The following FNIP2 variants were observed in gnomAD, a reference collection of about 807,000 sequenced individuals.
The protein encoded by FNIP2 is folliculin interacting protein 2, also known as folliculin-interacting protein 2.
Under a neutral mutation model 108.7 loss-of-function variants are expected in FNIP2, and 32 were observed. The ratio of observed to expected loss-of-function variants is 0.29; its 90% confidence interval spans 0.22 to 0.40. The LOEUF (loss-of-function observed/expected upper bound fraction) is 0.40, where lower values mean the gene tolerates loss of function less well. Ranked by LOEUF, FNIP2 falls within the 10% of genes least tolerant of loss-of-function variation. The pLI is 1.00. For synonymous variants in FNIP2, 480 were observed against 496.7 expected (o/e 0.97, Z 0.45); for missense variants, 1,202 against 1,381.6 (o/e 0.87, Z 2.06).
At chr4:158,803,405 A>T (rs1776827297) in intron 1 of FNIP2, among the ~76,000 whole-genome samples, 1 of 152,070 alleles carries the variant, frequency 6.6e-6, no homozygotes, top group Admixed American at 6.6e-5. Context: ...AAAAAGGGAG[A>T]TTGGATTGAG....
At chr4:158,866,192 T>TTTTGATTTGTTCCAATA (rs1160399689) in intron 12 of FNIP2, among the ~76,000 whole-genome samples, 2 of 146,984 alleles carry the variant, frequency 1.4e-5, no homozygotes, top group Non-Finnish European at 1.5e-5. Context: ...TCTTTTCAGC[T>TTTTGATTTGTTCCAATA]TTTGATTTGT....
intron 1 of FNIP2, among the ~76,000 whole-genome samples, chr4:158,771,923 G>C (rs1258206957): frequency 1.3e-5 from 2 of 152,066 alleles, no homozygotes; most frequent in Non-Finnish European, 2.9e-5. Flanking sequence ...CATTCCTCCA[G>C]TTTTTACACA....
chr4:158,843,302 T>G (rs1466163380), intron 7 of FNIP2, among the ~76,000 whole-genome samples: 1 of 152,208 alleles, frequency 6.6e-6, no homozygotes, highest in Non-Finnish European at 1.5e-5. Flanking sequence ...AATTCAGTAT[T>G]TGAATTCTGT....
At chr4:158,794,937 C>T (rs780352318) in intron 1 of FNIP2, among the ~76,000 whole-genome samples, 3 of 152,128 alleles carry the variant, frequency 2.0e-5, no homozygotes, top group Non-Finnish European at 4.4e-5. Context: ...ATAAATAAAA[C>T]GATTACTGTC....
chr4:158,878,702 T>C (rs1781415565), intron 14 of FNIP2, among the ~76,000 whole-genome samples: 1 of 152,070 alleles, frequency 6.6e-6, no homozygotes, highest in African/African-American at 2.4e-5. Context: ...GAAATCATCA[T>C]GAGTGGAGGG....
rs79096683 is a variant in FNIP2, at chr4:158,878,999, T to A, written c.2949+8530T>A. 1.2e-3 allele frequency among the ~76,000 whole-genome samples: 174 copies of A among 150,422 alleles called. 11 individuals carry two copies. In the East Asian group the frequency reaches 0.031, roughly 27 times the overall value. ...GAAATGGAGGCTACTTAAGAAATTA[T>A]GTTTTTGAGCTCTGAGACAAAAAGA... On this transcript the variant is annotated intron_variant, in intron 14 of 16. Coordinates refer to ENST00000264433, the MANE Select transcript of FNIP2 (RefSeq NM_020840.3).
intron 7 of FNIP2, among the ~76,000 whole-genome samples, chr4:158,837,033 A>C (rs1778852152): frequency 1.3e-5 from 2 of 152,174 alleles, no homozygotes; most frequent in South Asian, 4.1e-4. Context: ...CAAGGACAAT[A>C]AGCATGTGTT....
chr4:158,851,511 G>A, intron 8 of FNIP2, 61 bp downstream of exon 8: 3 of 1,592,052 alleles, frequency 1.9e-6, no homozygotes, highest in Non-Finnish European at 2.6e-6. Flanking sequence ...GATGAAACTG[G>A]CAGGGAGGCT....
rs200555727 is a variant in FNIP2, at chr4:158,887,537, GA to G, written c.2950-3908del. Among the ~76,000 whole-genome samples, 208 of 152,194 alleles carry G rather than the reference GA, an allele frequency of 1.4e-3. 2 individuals carry two copies. The highest frequency in any genetic ancestry group is 4.8e-3 in the African/African-American group (199 of 41,518). On this transcript the variant is annotated intron_variant, in intron 14 of 16. Coordinates refer to ENST00000264433, the MANE Select transcript of FNIP2 (RefSeq NM_020840.3). ...GGATCACTTGAGGTCAAGAATTCGA[GA>G]CCAGCCTGGCCAACATGGTGAAACC...
At chr4:158,809,206 C>T (rs1777135290) in intron 1 of FNIP2, among the ~76,000 whole-genome samples, 1 of 152,202 alleles carries the variant, frequency 6.6e-6, no homozygotes, top group African/African-American at 2.4e-5. Flanking sequence ...TGCCTGTAAT[C>T]CCAGCACTTT....
intron 1 of FNIP2, among the ~76,000 whole-genome samples, chr4:158,798,078 T>G (rs1217283317): frequency 1.3e-5 from 2 of 152,118 alleles, no homozygotes; most frequent in Non-Finnish European, 2.9e-5. Flanking sequence ...TGTTGTTGTT[T>G]TTTAGAGACA....
chr4:158,885,926 A>G (rs2126760177), intron 14 of FNIP2, among the ~76,000 whole-genome samples: 1 of 152,300 alleles, frequency 6.6e-6, no homozygotes, highest in South Asian at 2.1e-4. Context: ...TTGTTCGTGG[A>G]AGTTTAAGTT....
chr4:158,799,820 G>A (rs772901519), intron 1 of FNIP2, among the ~76,000 whole-genome samples: 10 of 152,150 alleles, frequency 6.6e-5, no homozygotes, highest in Non-Finnish European at 1.3e-4. Context: ...TAATCATGGG[G>A]ATGGGTTGTA....
chr4:158,888,656 A>G (rs1782138432), intron 14 of FNIP2, among the ~76,000 whole-genome samples: 1 of 152,198 alleles, frequency 6.6e-6, no homozygotes, highest in Non-Finnish European at 1.5e-5. Flanking sequence ...TCAGAGGTCA[A>G]GGCAGGCAGA....
At chr4:158,852,169 G>T (rs1455944683) in intron 8 of FNIP2, among the ~76,000 whole-genome samples, 1 of 152,182 alleles carries the variant, frequency 6.6e-6, no homozygotes, top group Non-Finnish European at 1.5e-5. Flanking sequence ...TTACAAGATG[G>T]TACATGATAA....
intron 16 of FNIP2, among the ~76,000 whole-genome samples, chr4:158,901,770 A>T (rs748382552): frequency 6.6e-6 from 1 of 151,506 alleles, no homozygotes; most frequent in Non-Finnish European, 1.5e-5. Flanking sequence ...CTTCTGCTTG[A>T]TTGATCCAGC....
intron 1 of FNIP2, chr4:158,808,500 A>G (rs1417011247): frequency 1.3e-5 from 2 of 152,136 alleles, no homozygotes; most frequent in South Asian, 2.1e-4. Context: ...TAGTCAGACA[A>G]TGTGCTGTAG....
intron 1 of FNIP2, among the ~76,000 whole-genome samples, chr4:158,795,031 A>G (rs1437933510): frequency 1.3e-5 from 2 of 152,234 alleles, no homozygotes; most frequent in African/African-American, 4.8e-5. Flanking sequence ...TGAAGTCAAC[A>G]TTTATGACAG....
intron 7 of FNIP2, among the ~76,000 whole-genome samples, chr4:158,849,285 C>T (rs1039202885): frequency 1.3e-5 from 2 of 152,038 alleles, no homozygotes; most frequent in African/African-American, 4.8e-5. Flanking sequence ...GTTTGCCTTG[C>T]AGGGAGGAGG....
Sources: allele counts gnomAD v4.1 joint callset (sites outside exome capture counted in the v4.1 genomes callset), GRCh38; gene constraint gnomAD v4.1.1; transcripts MANE v1.5; gene names NCBI Gene and HGNC (gene_info 2026-07-23, HGNC 2026-07-21).